Variants in COL10A1 observed in about 807,000 individuals in gnomAD.
COL10A1 encodes collagen type X alpha 1 chain.
A neutral mutation model predicts 18.2 loss-of-function variants in COL10A1; 10 were observed. That is an observed-to-expected ratio of 0.55 (90% CI 0.34 to 0.93). COL10A1 has a LOEUF of 0.93. Ranked by LOEUF, COL10A1 falls within the 40% of genes least tolerant of loss-of-function variation. COL10A1 has a pLI of 0.02. For missense variants in COL10A1, 897 were observed against 853.5 expected (o/e 1.05, Z -0.64); for synonymous variants, 330 against 316.6 (o/e 1.04, Z -0.45).
chr6:116,166,223 C>G, the COL10A1 span, among the ~76,000 whole-genome samples: 1 of 152,264 alleles, frequency 6.6e-6, no homozygotes, highest in Admixed American at 6.5e-5. Flanking sequence ...AGTGGGGTCT[C>G]CAACAGATCC....
intron 1 of COL10A1, among the ~76,000 whole-genome samples, chr6:116,131,363 C>T (rs949610504): frequency 2.0e-5 from 3 of 152,160 alleles, no homozygotes; most frequent in African/African-American, 7.2e-5. Context: ...ATTTTTAAAA[C>T]ATTGTTTTGA....
rs1408401971 is a variant in COL10A1 at position 116,120,034 on chromosome 6, C to CT, written c.*38dup. ...TAGGGTGGGGTAGAGTTAGAGAATG[C>CT]TTTTTCTAGCACAAGATTTAGATTA... On this transcript the variant is annotated 3_prime_UTR_variant, in exon 3 of 3. Transcript: ENST00000651968. The CT allele has an allele frequency of 1.3e-6, 2 of 1,556,630 alleles. No homozygotes were observed. The highest frequency in any genetic ancestry group is 3.4e-5 in the Admixed American group (2 of 58,002).
chr6:116,175,794 C>T, the COL10A1 span, among the ~76,000 whole-genome samples: 3 of 152,050 alleles, frequency 2.0e-5, no homozygotes, highest in East Asian at 1.9e-4. Context: ...CTGAAATATC[C>T]TATCTACCCA....
the COL10A1 span, among the ~76,000 whole-genome samples, chr6:116,198,315 A>G: frequency 1.3e-5 from 2 of 152,068 alleles, no homozygotes; most frequent in Admixed American, 1.3e-4. Context: ...CCAGTAAATG[A>G]TGGCTTATAT....
At chr6:116,182,222 A>AGAGAGTGTGTGTGTGT in the COL10A1 span, among the ~76,000 whole-genome samples, 12 of 124,606 alleles carry the variant, frequency 9.6e-5, no homozygotes, top group South Asian at 5.7e-4. Flanking sequence ...TTCCATGGAG[A>AGAGAGTGTGTGTGTGT]GTGTGTGTGT....
chr6:116,175,512 C>T, the COL10A1 span, among the ~76,000 whole-genome samples: 4 of 152,226 alleles, frequency 2.6e-5, no homozygotes, highest in South Asian at 2.1e-4. Flanking sequence ...TTCTTCTGCT[C>T]CATTGTCTCT....
chr6:116,170,167 T>C, the COL10A1 span, among the ~76,000 whole-genome samples: 42 of 152,230 alleles, frequency 2.8e-4, no homozygotes, highest in Admixed American at 5.2e-4. Context: ...AAACATTCTG[T>C]CGGTTTTGCT....
At chr6:116,214,410 A>G in the COL10A1 span, among the ~76,000 whole-genome samples, 12 of 152,172 alleles carry the variant, frequency 7.9e-5, no homozygotes, top group Non-Finnish European at 1.8e-4. Context: ...TTAAATATGC[A>G]TAATCTGGTT....
intron 1 of COL10A1, among the ~76,000 whole-genome samples, chr6:116,158,398 G>T (rs1172283944): frequency 6.6e-6 from 1 of 151,910 alleles, no homozygotes; most frequent in East Asian, 1.9e-4. Flanking sequence ...GTTTATAAAT[G>T]ATTTACTTTT....
At chr6:116,212,867 A>T in the COL10A1 span, among the ~76,000 whole-genome samples, 1 of 152,166 alleles carries the variant, frequency 6.6e-6, no homozygotes, top group Non-Finnish European at 1.5e-5. Context: ...GGATTTCTTT[A>T]AACTGTTTAA....
chr6:116,148,594 T>C (rs11964777), intron 1 of COL10A1, among the ~76,000 whole-genome samples: 4,974 of 152,230 alleles, frequency 0.033, 291 homozygotes, highest in African/African-American at 0.11. Context: ...TGATAACAGT[T>C]TATTATATGT....
chr6:116,145,195 TCAACAGAGGACAA>T (rs1412187523), intron 1 of COL10A1, among the ~76,000 whole-genome samples: 1 of 152,116 alleles, frequency 6.6e-6, no homozygotes, highest in Non-Finnish European at 1.5e-5. Context: ...ACAGTTGTCC[TCAACAGAGGACAA>T]CTGATAACAG....
At chr6:116,168,643 TTTATA>T in the COL10A1 span, among the ~76,000 whole-genome samples, 3 of 152,268 alleles carry the variant, frequency 2.0e-5, no homozygotes, top group Middle Eastern at 3.4e-3. Context: ...TTGTTTTGTT[TTTATA>T]TTATATTGTC....
At chr6:116,185,336 G>A in the COL10A1 span, among the ~76,000 whole-genome samples, 1 of 152,084 alleles carries the variant, frequency 6.6e-6, no homozygotes, top group Non-Finnish European at 1.5e-5. Flanking sequence ...TGTCTATTCT[G>A]CAGTTGTTGG....
chr6:116,128,862 C>T (rs1779390065), upstream of COL10A1, among the ~76,000 whole-genome samples: 1 of 152,114 alleles, frequency 6.6e-6, no homozygotes, highest in Non-Finnish European at 1.5e-5. Context: ...TGTTCTATTA[C>T]CACCTTGTTA....
At chr6:116,195,988 CATCT>C in the COL10A1 span, among the ~76,000 whole-genome samples, 1 of 151,962 alleles carries the variant, frequency 6.6e-6, no homozygotes, top group Non-Finnish European at 1.5e-5. Context: ...TTCTTCCATC[CATCT>C]GTCTAGTACT....
At chr6:116,197,440 G>A in the COL10A1 span, among the ~76,000 whole-genome samples, 501 of 152,102 alleles carry the variant, frequency 3.3e-3, 15 homozygotes, top group South Asian at 0.046. Flanking sequence ...ATACTGGGAA[G>A]AATCTTCCCG....
chr6:116,121,974 C>A lies in COL10A1; in HGVS notation c.155-13G>T. 1 of 1,606,156 alleles carries A rather than the reference C, an allele frequency of 6.2e-7. No individual in the cohort carries two copies. Among genetic ancestry groups the A allele is most frequent in the African/African-American group, 1.3e-5 (1 of 74,964 alleles). ...CTTACTGCTATACCTAAAAGACACA[C>A]CCAACACACCCACCCATAGAAGGGG... On this transcript the variant is annotated splice_polypyrimidine_tract_variant and intron_variant, in intron 2 of 2. Coordinates refer to ENST00000651968, the MANE Select transcript of COL10A1 (RefSeq NM_000493.4).
the COL10A1 span, among the ~76,000 whole-genome samples, chr6:116,189,162 T>C: frequency 6.6e-6 from 1 of 151,738 alleles, no homozygotes; most frequent in Non-Finnish European, 1.5e-5. Context: ...AATTTTGTTC[T>C]TTTTTTTAGT....
Sources: allele counts gnomAD v4.1 joint callset (sites outside exome capture counted in the v4.1 genomes callset), GRCh38; gene constraint gnomAD v4.1.1; transcripts MANE v1.5; gene names NCBI Gene and HGNC (gene_info 2026-07-23, HGNC 2026-07-21).